ARL15: variants seen among roughly 807,000 people sequenced by gnomAD.
ARL15 encodes ARF like GTPase 15.
Under a neutral mutation model 25.2 loss-of-function variants are expected in ARL15, and 19 were observed. The observed-to-expected ratio is 0.75, with a 90% CI of 0.53 to 1.10. The LOEUF (loss-of-function observed/expected upper bound fraction) is 1.10. ARL15 is among the 50% of genes least tolerant of loss of function. The pLI, the probability that ARL15 is intolerant of heterozygous loss-of-function variation, is 0.00. For synonymous variants in ARL15, 94 were observed against 86.8 expected, an observed-to-expected ratio of 1.08 and a Z score of -0.46; for missense variants, 220 against 246.0, an observed-to-expected ratio of 0.89 and a Z score of 0.71.
At chr5:54,272,645 C>G (rs1757818941) in intron 1 of ARL15, among the ~76,000 whole-genome samples, 1 of 152,146 alleles carries the variant, frequency 6.6e-6, no homozygotes, top group South Asian at 2.1e-4. Flanking sequence ...TTTATAATTA[C>G]CAAAAGAAAC....
intron 4 of ARL15, among the ~76,000 whole-genome samples, chr5:53,981,303 C>A (rs1407646571): frequency 2.6e-5 from 4 of 151,980 alleles, no homozygotes; most frequent in African/African-American, 9.7e-5. Context: ...TAATTATTGC[C>A]TTAGGACAGT....
chr5:54,261,292 A>C (rs1419195696), intron 1 of ARL15, among the ~76,000 whole-genome samples: 1 of 152,178 alleles, frequency 6.6e-6, no homozygotes, highest in Non-Finnish European at 1.5e-5. Flanking sequence ...TTTTTAAGTG[A>C]TCTAGTACTT....
At chr5:54,098,381 G>A (rs181288966) in intron 4 of ARL15, among the ~76,000 whole-genome samples, 17 of 152,144 alleles carry the variant, frequency 1.1e-4, no homozygotes, top group East Asian at 9.7e-4. Context: ...TCTTTTCTCC[G>A]CAGACATCGC....
chr5:54,239,227 T>C (rs1756889284), intron 1 of ARL15, among the ~76,000 whole-genome samples: 1 of 95,094 alleles, frequency 1.1e-5, no homozygotes, highest in African/African-American at 3.5e-5. Flanking sequence ...CTTTTATGAA[T>C]GCCATTTTTT....
At chr5:53,965,265 T>C (rs1561168699) in intron 4 of ARL15, among the ~76,000 whole-genome samples, 1 of 152,216 alleles carries the variant, frequency 6.6e-6, no homozygotes, top group Non-Finnish European at 1.5e-5. Flanking sequence ...TCAAATGATA[T>C]AGTGGTTAAT....
chr5:54,101,807 G>A (rs1402622715), intron 4 of ARL15, among the ~76,000 whole-genome samples: 1 of 151,942 alleles, frequency 6.6e-6, no homozygotes, highest in Admixed American at 6.6e-5. Flanking sequence ...TAAAAAGCCA[G>A]TGTTAAGAAA....
At chr5:54,131,902 CAAAA>C in intron 3 of ARL15, among the ~76,000 whole-genome samples, 1 of 109,098 alleles carries the variant, frequency 9.2e-6, no homozygotes. Context: ...GACTCCGTCT[CAAAA>C]AAAAAAAAAA....
intron 4 of ARL15, among the ~76,000 whole-genome samples, chr5:53,986,129 A>G (rs1748289747): frequency 6.6e-6 from 1 of 152,216 alleles, no homozygotes. Context: ...TCTAAATAAA[A>G]GAATAGAGTA....
At chr5:54,192,633 A>G in intron 1 of ARL15, among the ~76,000 whole-genome samples, 1 of 120,222 alleles carries the variant, frequency 8.3e-6, no homozygotes, top group East Asian at 2.8e-4. Context: ...TTATAACACT[A>G]AGGTCATGCT....
At chr5:54,071,465 AG>A (rs1269919557) in intron 4 of ARL15, among the ~76,000 whole-genome samples, 5 of 133,904 alleles carry the variant, frequency 3.7e-5, no homozygotes, top group Non-Finnish European at 7.6e-5. Context: ...AGTCTAAATC[AG>A]ATTTTTTTTT....
At chr5:53,995,139 T>A (rs1748627347) in intron 4 of ARL15, among the ~76,000 whole-genome samples, 1 of 152,014 alleles carries the variant, frequency 6.6e-6, no homozygotes, top group Non-Finnish European at 1.5e-5. Flanking sequence ...TGAAACCCCA[T>A]CTCTACTAAA....
intron 4 of ARL15, among the ~76,000 whole-genome samples, chr5:54,089,675 A>G (rs1295416882): frequency 2.0e-5 from 3 of 152,176 alleles, no homozygotes; most frequent in African/African-American, 4.8e-5. Context: ...CACCAATCCT[A>G]TTCAAAATTG....
chr5:54,166,115 A>G (rs1008210046), intron 2 of ARL15, among the ~76,000 whole-genome samples: 1 of 152,038 alleles, frequency 6.6e-6, no homozygotes, highest in African/African-American at 2.4e-5. Context: ...TAAACATCAT[A>G]TTCTTTATCA....
At chr5:54,015,665 A>T (rs1005564462) in intron 4 of ARL15, among the ~76,000 whole-genome samples, 3 of 152,210 alleles carry the variant, frequency 2.0e-5, no homozygotes, top group Non-Finnish European at 4.4e-5. Flanking sequence ...TTATGTCAAT[A>T]ATCTTTCTTT....
At position 54,070,129 on chromosome 5, in the gene ARL15, G is replaced by T. The variant is rs181217054; in HGVS notation, c.462+43073C>A. ...GTTTGGGCCAGGTGCGGTGGCTCACGCCAGTAATCCCAGCACTTTGGGAGG... is the reference window on the plus strand; with the variant it reads ...GTTTGGGCCAGGTGCGGTGGCTCACTCCAGTAATCCCAGCACTTTGGGAGG... On this transcript the variant is annotated intron_variant, in intron 4 of 4. Coordinates refer to ENST00000504924, the MANE Select transcript of ARL15 (RefSeq NM_019087.3). Among the ~76,000 whole-genome samples, 636 of 149,226 alleles carry T rather than the reference G, an allele frequency of 4.3e-3. 3 individuals are homozygous for T. The highest frequency in any genetic ancestry group is 0.015 in the African/African-American group (607 of 40,996).
intron 3 of ARL15, among the ~76,000 whole-genome samples, chr5:54,142,449 G>A (rs573331188): frequency 6.6e-6 from 1 of 152,162 alleles, no homozygotes; most frequent in South Asian, 2.1e-4. Context: ...TAACCTAGAC[G>A]ACAGAGACAA....
chr5:54,221,475 A>C (rs1756371269), intron 1 of ARL15, among the ~76,000 whole-genome samples: 3 of 152,200 alleles, frequency 2.0e-5, no homozygotes, highest in Admixed American at 6.5e-5. Context: ...CTCTTACTTA[A>C]GGGATTTTTC....
At chr5:53,937,665 A>G (rs1488150508) in intron 4 of ARL15, among the ~76,000 whole-genome samples, 3 of 152,182 alleles carry the variant, frequency 2.0e-5, no homozygotes, top group Non-Finnish European at 4.4e-5. Flanking sequence ...GCTTTACCAT[A>G]CAGCCTAGGA....
At position 54,291,490 on chromosome 5, in the gene ARL15, C is replaced by A. The variant is rs190574433; in HGVS notation, c.48+18942G>T. Among the ~76,000 whole-genome samples, 5 of 151,932 alleles carry A rather than the reference C, an allele frequency of 3.3e-5. No homozygotes were observed. In the East Asian group the frequency reaches 9.6e-4, roughly 29 times the overall value. On this transcript the variant is annotated intron_variant, in intron 1 of 4. Coordinates refer to ENST00000504924, the MANE Select transcript of ARL15 (RefSeq NM_019087.3). ...TGTATTATTTTTTATATTTTTTGTT[C>A]AAATATTTACAATTTGCAGTTCATT...
Sources: gnomAD v4.1 joint callset for allele counts (sites outside exome capture counted in the v4.1 genomes callset) on GRCh38, gnomAD v4.1.1 for gene constraint, MANE v1.5 for transcripts, NCBI Gene and HGNC (gene_info 2026-07-23, HGNC 2026-07-21) for gene names.